Variants in LGR5 observed in about 807,000 individuals in gnomAD.
LGR5 encodes the protein leucine rich repeat containing G protein-coupled receptor 5.
LGR5 carries 54 observed loss-of-function variants against 76.7 expected under a neutral mutation model. The observed-to-expected ratio is 0.70, with a 90% CI of 0.57 to 0.88. The LOEUF (loss-of-function observed/expected upper bound fraction) is 0.88. Among genes scored for constraint, LGR5 ranks in the 40% least tolerant of loss-of-function variants. The probability of loss-of-function intolerance (pLI) is 0.00; values close to 1 mark genes in which losing one functional copy is unlikely to be tolerated. For synonymous variants in LGR5, 406 were observed against 421.9 expected (o/e 0.96, Z 0.46); for missense variants, 1,078 against 1,073.3 (o/e 1.00, Z -0.06).
chr12:71,536,673 T>C (rs1352608505), intron 4 of LGR5, among the ~76,000 whole-genome samples: 1 of 152,136 alleles, frequency 6.6e-6, no homozygotes, highest in Non-Finnish European at 1.5e-5. Flanking sequence ...AGGCAGTAGA[T>C]AGAAGGATAA....
chr12:71,448,427 G>A (rs1273620754), intron 1 of LGR5: 2 of 152,212 alleles, frequency 1.3e-5, no homozygotes, highest in Non-Finnish European at 2.9e-5. Flanking sequence ...TTATTTTAAA[G>A]TTGGTTGGTT....
intron 1 of LGR5, among the ~76,000 whole-genome samples, chr12:71,458,399 A>G (rs1191853356): frequency 6.6e-6 from 1 of 152,182 alleles, no homozygotes; most frequent in Non-Finnish European, 1.5e-5. Flanking sequence ...ATTATAAAGG[A>G]AACTAGAGAA....
intron 1 of LGR5, among the ~76,000 whole-genome samples, chr12:71,453,076 T>G (rs79764606): frequency 0.011 from 1,700 of 152,276 alleles, 16 homozygotes; most frequent in Non-Finnish European, 0.017. Context: ...TAAACAAGAT[T>G]TCTTAATGTT....
chr12:71,580,137 C>A (rs1879027303), intron 15 of LGR5, 141 bp from the exon 16 acceptor site: 2 of 669,882 alleles, frequency 3.0e-6, no homozygotes, highest in Non-Finnish European at 4.9e-6. Context: ...TAATGAACAC[C>A]TTTATGTGCA....
chr12:71,457,641 A>G (rs1460442904), intron 1 of LGR5, among the ~76,000 whole-genome samples: 1 of 152,184 alleles, frequency 6.6e-6, no homozygotes, highest in East Asian at 1.9e-4. Flanking sequence ...GTAACTAAAC[A>G]AGGTTACCAA....
At position 71,460,941 on chromosome 12, in the gene LGR5, A is replaced by C. The variant is rs139912837; in HGVS notation, c.212+20649A>C. On this transcript the variant is annotated intron_variant, in intron 1 of 17. Transcript: ENST00000266674. ...CAACTAGGCTGTTATCTTGAAACTC[A>C]ATCCCACCCACTTCAAAAGGCTTTC... Among the ~76,000 whole-genome samples the C allele has an allele frequency of 5.2e-3, 785 of 152,320 alleles. 4 individuals are homozygous for C. Among genetic ancestry groups the C allele is most frequent in the Non-Finnish European group, 7.9e-3 (539 of 68,018 alleles).
At chr12:71,561,362 A>C (rs1212300675) in intron 7 of LGR5, among the ~76,000 whole-genome samples, 1 of 152,222 alleles carries the variant, frequency 6.6e-6, no homozygotes, top group Non-Finnish European at 1.5e-5. Flanking sequence ...TCATAAGGAG[A>C]CTACTTAAAT....
At chr12:71,579,482 CT>C (rs1310628807) in intron 15 of LGR5, among the ~76,000 whole-genome samples, 3 of 151,636 alleles carry the variant, frequency 2.0e-5, no homozygotes, top group South Asian at 2.1e-4. Flanking sequence ...GAACAAAAAT[CT>C]TTTTTTTAAT....
chr12:71,458,221 T>G (rs1166204402), intron 1 of LGR5, among the ~76,000 whole-genome samples: 1 of 152,130 alleles, frequency 6.6e-6, no homozygotes, highest in Non-Finnish European at 1.5e-5. Context: ...TAAACTTAAT[T>G]GCTTTTTTGG....
chr12:71,442,735 G>A (rs1476484862), intron 1 of LGR5, among the ~76,000 whole-genome samples: 1 of 152,180 alleles, frequency 6.6e-6, no homozygotes, highest in Non-Finnish European at 1.5e-5. Flanking sequence ...ACAACCAGAG[G>A]AACGCTGTGC....
chr12:71,582,707 T>G (rs188719251), intron 17 of LGR5, 168 bp downstream of exon 17: 1 of 564,414 alleles, frequency 1.8e-6, no homozygotes, highest in African/African-American at 1.9e-5. Flanking sequence ...TCCCTGGAGT[T>G]GTTTTTCACT....
intron 1 of LGR5, among the ~76,000 whole-genome samples, chr12:71,490,631 T>C (rs950976619): frequency 1.3e-4 from 20 of 152,146 alleles, no homozygotes; most frequent in African/African-American, 4.8e-4. Flanking sequence ...TCTTCTAATT[T>C]AGCTGCTGCT....
At chr12:71,571,792 C>A (rs769509977) in intron 12 of LGR5, among the ~76,000 whole-genome samples, 28 of 152,120 alleles carry the variant, frequency 1.8e-4, no homozygotes, top group Non-Finnish European at 3.5e-4. Flanking sequence ...ATTAGTAAAA[C>A]ATTTATTATA....
At chr12:71,442,098 T>A (rs974603208) in intron 1 of LGR5, among the ~76,000 whole-genome samples, 1 of 152,236 alleles carries the variant, frequency 6.6e-6, no homozygotes, top group Non-Finnish European at 1.5e-5. Context: ...TAACTTACTA[T>A]TTAAATCATA....
chr12:71,531,649 T>G (rs1482931496), intron 3 of LGR5, among the ~76,000 whole-genome samples: 1 of 151,986 alleles, frequency 6.6e-6, no homozygotes, highest in Non-Finnish European at 1.5e-5. Flanking sequence ...GGGTAGATCA[T>G]TTGAGGTCAG....
At chr12:71,545,302 G>C (rs1244388925) in intron 4 of LGR5, among the ~76,000 whole-genome samples, 1 of 151,950 alleles carries the variant, frequency 6.6e-6, no homozygotes, top group African/African-American at 2.4e-5. Context: ...CAAAAAATTA[G>C]CTGGGCATGG....
chr12:71,457,826 C>G (rs1747747149), intron 1 of LGR5, among the ~76,000 whole-genome samples: 1 of 152,108 alleles, frequency 6.6e-6, no homozygotes. Context: ...TTTATTTGAA[C>G]CCCAAGCTGT....
At chr12:71,534,857 C>A (rs182221796) in intron 3 of LGR5, among the ~76,000 whole-genome samples, 94 of 152,310 alleles carry the variant, frequency 6.2e-4, no homozygotes, top group Admixed American at 3.8e-3. Flanking sequence ...AAATAAAAAT[C>A]TCACCCCCTG....
intron 1 of LGR5, among the ~76,000 whole-genome samples, chr12:71,483,017 T>C (rs1349525519): frequency 6.6e-6 from 1 of 152,020 alleles, no homozygotes; most frequent in African/African-American, 2.4e-5. Context: ...AAGACAAATT[T>C]GGGAAAATTT....
Sources: gnomAD v4.1 joint callset for allele counts (sites outside exome capture counted in the v4.1 genomes callset) on GRCh38, gnomAD v4.1.1 for gene constraint, MANE v1.5 for transcripts, NCBI Gene and HGNC (gene_info 2026-07-23, HGNC 2026-07-21) for gene names.